The following TTN variants were observed in gnomAD, a reference collection of about 807,000 sequenced individuals.
TTN encodes the protein connectin.
A neutral mutation model predicts 3,223.0 loss-of-function variants in TTN; 1,525 were observed. That is an observed-to-expected ratio of 0.47 (90% CI 0.45 to 0.49). The LOEUF is 0.49. Ranked by LOEUF, TTN falls within the 20% of genes least tolerant of loss-of-function variation. The pLI, the probability that TTN is intolerant of heterozygous loss-of-function variation, is 0.00. For missense variants in TTN, 40,786 were observed against 43,424.0 expected (o/e 0.94, Z 5.40); for synonymous variants, 14,094 against 15,161.0 (o/e 0.93, Z 5.17).
At position 178,721,955 on chromosome 2, in the gene TTN, G is replaced by C; in HGVS notation, c.22708C>G (p.Pro7570Ala). The part of the protein sequence containing the change: ...NYTITCVGNT[P>A]HLRILKVGKG... ...CCTACTTTAAGAATTCTCAAATGAG[G>C]AGTGTTTCCCACACATGTGATTGTA... The change falls in exon 78 of 363, where the codon CCT (proline) becomes GCT (alanine). Residue 7570 changes from proline (P) to alanine (A), a missense_variant. By Grantham distance (27) the Pro-to-Ala change is conservative. Coordinates refer to ENST00000589042, the MANE Select transcript of TTN (RefSeq NM_001267550.2). The C allele has an allele frequency of 6.2e-7, 1 of 1,613,542 alleles. No individual in the cohort carries two copies. The highest frequency in any genetic ancestry group is 1.7e-4 in the Middle Eastern group (1 of 6,052).
intron 356 of TTN, 111 bp from the exon 357 acceptor site, chr2:178,536,686 C>G: frequency 1.0e-6 from 1 of 994,204 alleles, no homozygotes; most frequent in Non-Finnish European, 1.4e-6. Context: ...TAAAAAATAG[C>G]TATTCCAGAA....
Position 178,604,161 on chromosome 2 carries a change from A to T in TTN, c.54526T>A (p.Leu18176Met), listed in dbSNP as rs1211482141. The T allele has an allele frequency of 2.5e-6, 4 of 1,612,150 alleles. No homozygotes were observed. In the African/African-American group the frequency reaches 5.3e-5, roughly 22 times the overall value. Residue 18176 changes from leucine (L) to methionine (M), a missense_variant, in exon 282 of 363, where the codon TTG (leucine) becomes ATG (methionine). Transcript: ENST00000589042. ...AGCATTGATCCTTTGGTGCGTGCCA[A>T]AACTTTTGGTTTTCCTGGAGGTCCA... ...LPGPPGKPKV[L>M]ARTKGSMLVS...
At position 178,613,851 on chromosome 2, in the gene TTN, C is replaced by T. The variant is rs755810800; in HGVS notation, c.49432G>A (p.Gly16478Ser). 27 of 1,612,410 alleles carry T rather than the reference C, an allele frequency of 1.7e-5. No individual in the cohort carries two copies. The highest frequency in any genetic ancestry group is 2.2e-5 in the South Asian group (2 of 90,922). The change falls in exon 263 of 363, where the codon GGT becomes AGT. Residue 16478 changes from glycine (G) to serine (S), a missense_variant. Gly to Ser is a moderately conservative substitution (Grantham distance 56). Transcript: ENST00000589042. ...TLTWCEPDDDGGSPITGYWVE... is the reference protein window; with the variant it reads ...TLTWCEPDDDSGSPITGYWVE... The stretch of plus-strand genomic sequence containing the variant: ...CAGTATCCTGTGATTGGGCTGCCAC[C>T]ATCATCATCTGGCTCACACCATGTG...
rs1244883494 is a variant in TTN at position 178,722,421 on chromosome 2, C to T, written c.22366G>A (p.Gly7456Arg). Residue 7456 changes from glycine to arginine, a missense_variant, in exon 77 of 363, where the codon GGA (glycine) becomes AGA (arginine). Transcript: ENST00000589042. ...TTTTCATCGTCTCTTAAAAGTACTCCATCTCTATACCAGCACACTTGGATG... is the reference window on the plus strand; with the variant it reads ...TTTTCATCGTCTCTTAAAAGTACTCTATCTCTATACCAGCACACTTGGATG... ...APIQVCWYRD[G>R]VLLRDDENLQ... The T allele has an allele frequency of 6.2e-7, 1 of 1,613,306 alleles. No individual in the cohort carries two copies. The highest frequency in any genetic ancestry group is 2.2e-5 in the East Asian group (1 of 44,840).
At position 178,632,157 on chromosome 2, in the gene TTN, G is replaced by C. The variant is rs1296986671; in HGVS notation, c.43737C>G (p.Leu14579=). 1.9e-6 allele frequency: 3 copies of C among 1,597,418 alleles called. No homozygotes were observed. The highest frequency in any genetic ancestry group is 2.6e-6 in the Non-Finnish European group (3 of 1,171,748). ...EAMGMSSEAK[L]TVLEGDPYFT... The stretch of plus-strand genomic sequence containing the variant: ...TTAAAAAGCACTTACCAAGCACAGT[G>C]AGTTTAGCTTCTGAACTCATCCCCA... The change falls in exon 236 of 363, where the codon CTC becomes CTG. Residue 14579 remains leucine, a synonymous_variant. Coordinates refer to ENST00000589042, the MANE Select transcript of TTN (RefSeq NM_001267550.2).
At position 178,559,826 on chromosome 2, in the gene TTN, C is replaced by G. The variant is rs756222422; in HGVS notation, c.86306G>C (p.Gly28769Ala). The G allele has an allele frequency of 6.2e-7, 1 of 1,610,512 alleles. No homozygotes were observed. The highest frequency in any genetic ancestry group is 1.7e-5 in the Admixed American group (1 of 59,954). The change falls in exon 326 of 363, where the codon GGT (glycine) becomes GCT (alanine). Residue 28769 changes from glycine (G) to alanine (A), a missense_variant. Transcript: ENST00000589042. ...AGGCACAGTCATGGTAAATGAGGCA[C>G]CAGCCTTGACAATCAAGGTCTTCCT... ...EMRKTLIVKA[G>A]ASFTMTVPFR...
At chr2:178,749,327 T>TGACATTGTATGAATTCAGCCC in intron 47 of TTN, 4 of 1,612,680 alleles carry the variant, frequency 2.5e-6, no homozygotes, top group Non-Finnish European at 3.4e-6. Flanking sequence ...CCCTTCAGCC[T>TGACATTGTATGAATTCAGCCC]GACATTGTAT....
Position 178,769,685 on chromosome 2 carries a change from C to T in TTN, c.8896G>A (p.Val2966Ile). Residue 2966 changes from valine to isoleucine, a missense_variant, in exon 37 of 363, where the codon GTC becomes ATC. Coordinates refer to ENST00000589042, the MANE Select transcript of TTN (RefSeq NM_001267550.2). ...GNDQVSATLTVTPIMITSMLK... is the reference protein window; with the variant it reads ...GNDQVSATLTITPIMITSMLK... ...TATATATTTTTTAACTTACGGGTGA[C>T]TGTCAGGGTGGCACTGACTTGGTCA... The T allele has an allele frequency of 6.2e-7, 1 of 1,612,998 alleles. No homozygotes were observed.
intron 1 of TTN, among the ~76,000 whole-genome samples, chr2:178,806,119 T>TA (rs925856661): frequency 2.0e-5 from 3 of 152,154 alleles, no homozygotes; most frequent in African/African-American, 7.2e-5. Context: ...TCTACTTAGT[T>TA]AAAAAAATGA....
In TTN at chr2:178,778,899, T is replaced by A. The variant is rs767264538; in HGVS notation, c.4183A>T (p.Thr1395Ser). ...CTGATTCTGCTCACTGGCTCTAGTG[T>A]GGGAATGTAAGTCGGAGCTCCAAGT... Reference protein sequence around the residue: ...APLGAPTYIPTLEPVSRIRSL... With the variant: ...APLGAPTYIPSLEPVSRIRSL... The change falls in exon 24 of 363, where the codon ACA becomes TCA. Residue 1395 changes from threonine (T) to serine (S), a missense_variant. Transcript: ENST00000589042. 3.7e-6 allele frequency: 6 copies of A among 1,613,958 alleles called. No individual in the cohort carries two copies. The South Asian group carries it at 5.5e-5, about 15-fold the overall frequency.
intron 156 of TTN, 104 bp from the exon 157 acceptor site, chr2:178,670,399 A>G: frequency 5.7e-6 from 3 of 527,328 alleles, no homozygotes; most frequent in Non-Finnish European, 9.2e-6. Context: ...GCAACAATAT[A>G]AAATGCAGAC....
intron 279 of TTN, 55 bp from the exon 280 acceptor site, chr2:178,605,350 A>G: frequency 5.9e-6 from 9 of 1,531,306 alleles, no homozygotes; most frequent in Non-Finnish European, 7.9e-6. Flanking sequence ...TGTTTTTTTC[A>G]ACTTATGGGA....
intron 149 of TTN, chr2:178,675,332 G>T: frequency 2.5e-6 from 1 of 400,010 alleles, no homozygotes; most frequent in Non-Finnish European, 4.3e-6. Context: ...TTTTACTGCT[G>T]GAGCCTCTAT....
chr2:178,546,026 C>T lies in TTN; in HGVS notation c.95210G>A (p.Gly31737Glu), dbSNP rs1696939367. The T allele has an allele frequency of 6.2e-7, 1 of 1,613,676 alleles. No homozygotes were observed. The highest frequency in any genetic ancestry group is 8.5e-7 in the Non-Finnish European group (1 of 1,179,784). The part of the protein sequence containing the change: ...LAWSLPQEDG[G>E]AEITHYIVER... ...CACGATGTAGTGAGTGATTTCTGCT[C>T]CTCCGTCTTCCTGCGGAAGGCTCCA... The change falls in exon 343 of 363, where the codon GGA (glycine) becomes GAA (glutamate). Residue 31737 changes from glycine to glutamate, a missense_variant. Gly to Glu is a moderately conservative substitution (Grantham distance 98). Transcript: ENST00000589042.
At position 178,605,652 on chromosome 2, in the gene TTN, A is replaced by C. The variant is rs746078643; in HGVS notation, c.53643T>G (p.Leu17881=). Residue 17881 remains leucine, a synonymous_variant, in exon 279 of 363, where the codon CTT becomes CTG. Coordinates refer to ENST00000589042, the MANE Select transcript of TTN (RefSeq NM_001267550.2). ...CATTACTGCGGGGCTCTTTCCAGTC[A>C]AGTGTGATAGTGGACTTTGTCCTTT... The part of the protein sequence containing the change: ...YTERTKSTIT[L]DWKEPRSNGG... 5.0e-6 allele frequency: 8 copies of C among 1,610,658 alleles called. No homozygotes were observed. In the South Asian group the frequency reaches 8.8e-5, roughly 18 times the overall value.
In TTN at chr2:178,771,370, A is replaced by G. The variant is rs201837864; in HGVS notation, c.7957T>C (p.Leu2653=). The G allele has an allele frequency of 2.4e-4, 381 of 1,613,866 alleles. No homozygotes were observed. Among genetic ancestry groups the G allele is most frequent in the Non-Finnish European group, 2.9e-4 (341 of 1,179,972 alleles). Residue 2653 remains leucine (L), a synonymous_variant, in exon 34 of 363, where the codon TTG becomes CTG. Transcript: ENST00000589042. Reference sequence around the variant, plus strand: ...AGTGGTAGGTGTTTGCCATCCCTCAACCATTCGCCTTTGGAATCTGGGTTG... The same window carrying G: ...AGTGGTAGGTGTTTGCCATCCCTCAGCCATTCGCCTTTGGAATCTGGGTTG... ...VANPDSKGEW[L]RDGKHLPLTN...
rs1156396295 is a variant in TTN, at chr2:178,557,470, A to G, written c.87792T>C (p.Asn29264=). The G allele has an allele frequency of 1.2e-6, 2 of 1,613,790 alleles. No homozygotes were observed. The highest frequency in any genetic ancestry group is 3.3e-5 in the Admixed American group (2 of 59,992). ...ITVGWHEPVS[N]GGSAVVGYHL... is the part of the protein sequence containing the mutation. ...GATAGCCTACGACTGCACTGCCTCCATTTGACACTGGTTCATGCCAGCCCA... is the reference window on the plus strand; with the variant it reads ...GATAGCCTACGACTGCACTGCCTCCGTTTGACACTGGTTCATGCCAGCCCA... Residue 29264 remains asparagine, a synonymous_variant, in exon 329 of 363, where the codon AAT becomes AAC. Transcript: ENST00000589042.
chr2:178,724,544 A>G lies in TTN; in HGVS notation c.20837-6T>C, dbSNP rs761982704. Reference sequence around the variant, plus strand: ...CTCAACAATGACTGCGGGCTCTGAAATAAAACGTGATATCCATCTGTCAAA... The same window carrying G: ...CTCAACAATGACTGCGGGCTCTGAAGTAAAACGTGATATCCATCTGTCAAA... On this transcript the variant is annotated splice_region_variant and splice_polypyrimidine_tract_variant and intron_variant, in intron 71 of 362. Coordinates refer to ENST00000589042, the MANE Select transcript of TTN (RefSeq NM_001267550.2). The G allele has an allele frequency of 4.5e-5, 71 of 1,571,580 alleles. No homozygotes were observed. The highest frequency in any genetic ancestry group is 5.8e-5 in the Non-Finnish European group (67 of 1,157,112).
Position 178,591,621 on chromosome 2 carries a change from C to T in TTN, c.60198G>A (p.Pro20066=), listed in dbSNP as rs767152563. The change falls in exon 303 of 363, where the codon CCG becomes CCA. Residue 20066 remains proline, a synonymous_variant. Transcript: ENST00000589042. ...VGLGLPDTTI[P]IECQEKLVPP... ...TACCTAGTTTTTCTTGACATTCTATCGGGATAGTTGTGTCAGGGAGACCAA... is the reference window on the plus strand; with the variant it reads ...TACCTAGTTTTTCTTGACATTCTATTGGGATAGTTGTGTCAGGGAGACCAA... 149 of 1,612,388 alleles carry T rather than the reference C, an allele frequency of 9.2e-5. No individual in the cohort carries two copies. Among genetic ancestry groups the T allele is most frequent in the Middle Eastern group, 4.9e-4 (3 of 6,070 alleles).
Sources: gnomAD v4.1 joint callset for allele counts (sites outside exome capture counted in the v4.1 genomes callset) on GRCh38, gnomAD v4.1.1 for gene constraint, MANE v1.5 for transcripts, NCBI Gene and HGNC (gene_info 2026-07-23, HGNC 2026-07-21) for gene names.